ZNF26: variants seen among roughly 807,000 people sequenced by gnomAD.
The protein encoded by ZNF26 is zinc finger protein 26.
Under a neutral mutation model 54.9 loss-of-function variants are expected in ZNF26, and 32 were observed. The ratio of observed to expected loss-of-function variants is 0.58; its 90% CI spans 0.44 to 0.78. ZNF26 has a LOEUF of 0.78. Ranked by LOEUF, ZNF26 falls within the 30% of genes least tolerant of loss-of-function variation. The pLI is 0.00. For synonymous variants in ZNF26, 221 were observed against 209.2 expected (o/e 1.06, Z -0.49); for missense variants, 524 against 634.0 (o/e 0.83, Z 1.86).
At chr12:132,988,629 G>T (rs1372231511) in intron 1 of ZNF26, among the ~76,000 whole-genome samples, 2 of 152,108 alleles carry the variant, frequency 1.3e-5, no homozygotes, top group Non-Finnish European at 2.9e-5. Flanking sequence ...TCTTTTGTCT[G>T]TCTGAACTTT....
In ZNF26 at chr12:133,007,126, A is replaced by G; in HGVS notation, c.118A>G (p.Arg40Gly). ...LLDSTQKYLY[R>G]DVILENYHNL... Reference sequence around the variant, plus strand: ...GGATTCTACACAGAAGTACCTGTACAGAGATGTGATATTGGAAAACTATCA... The same window carrying G: ...GGATTCTACACAGAAGTACCTGTACGGAGATGTGATATTGGAAAACTATCA... Residue 40 changes from arginine (R) to glycine (G), a missense_variant, in exon 2 of 4, where the codon AGA becomes GGA. Coordinates refer to ENST00000328654, the MANE Select transcript of ZNF26 (RefSeq NM_019591.4). The G allele has an allele frequency of 6.2e-7, 1 of 1,614,162 alleles. No individual in the cohort carries two copies. The highest frequency in any genetic ancestry group is 8.5e-7 in the Non-Finnish European group (1 of 1,179,968).
Position 133,010,423 on chromosome 12 carries a change from G to A in ZNF26, c.544G>A (p.Ala182Thr). The A allele has an allele frequency of 6.2e-7, 1 of 1,614,192 alleles. No homozygotes were observed. Among genetic ancestry groups the A allele is most frequent in the African/African-American group, 1.3e-5 (1 of 75,054 alleles). The change falls in exon 4 of 4, where the codon GCT becomes ACT. Residue 182 changes from alanine to threonine, a missense_variant. By Grantham distance (58) the Ala-to-Thr change is moderately conservative. Transcript: ENST00000328654. ...CTGTGTGTGTAGTGAATGTGGGAAAGCTTTTCGTTGTAAGTCACAGCTCAT... is the reference window on the plus strand; with the variant it reads ...CTGTGTGTGTAGTGAATGTGGGAAAACTTTTCGTTGTAAGTCACAGCTCAT... ...KNCVCSECGKAFRCKSQLIVH... is the reference protein window; with the variant it reads ...KNCVCSECGKTFRCKSQLIVH...
chr12:133,012,578 G>GTTTTTTTTTTTTTTTTTTTTTTTTTT lies in ZNF26; in HGVS notation c.*1103_*1128dup, dbSNP rs1193864973. 5.3e-5 allele frequency: 2 copies of GTTTTTTTTTTTTTTTTTTTTTTTTTT among 37,652 alleles called. No individual in the cohort carries two copies. Among genetic ancestry groups the GTTTTTTTTTTTTTTTTTTTTTTTTTT allele is most frequent in the African/African-American group, 1.1e-4 (1 of 9,476 alleles). 2.3% of individuals were successfully genotyped at this position (37,652 alleles called of 1,614,324 possible). A position where few individuals can be genotyped will look rare whatever the true frequency, so the allele number is the denominator to read the frequency against. On this transcript the variant is annotated 3_prime_UTR_variant, in exon 4 of 4. Coordinates refer to ENST00000328654, the MANE Select transcript of ZNF26 (RefSeq NM_019591.4). Reference sequence around the variant, plus strand: ...ATGTCTTTTGCTTTTTGTTGTTTGGGTTTTTTTTTTTTTTTTTTTTTTTTT... The same window carrying GTTTTTTTTTTTTTTTTTTTTTTTTTT: ...ATGTCTTTTGCTTTTTGTTGTTTGGGTTTTTTTTTTTTTTTTTTTTTTTTTTTTTTTTTTTTTTTTTTTTTTTTTTT...
At position 133,007,455 on chromosome 12, in the gene ZNF26, C is replaced by T. The variant is rs1953355973; in HGVS notation, c.179C>T (p.Pro60Leu). ...LISVGYHGTK[P>L]DLIFKLEQGE... ...TCAACAGGGTATCATGGTACCAAGCCTGACTTAATCTTCAAGTTGGAACAA... is the reference window on the plus strand; with the variant it reads ...TCAACAGGGTATCATGGTACCAAGCTTGACTTAATCTTCAAGTTGGAACAA... Residue 60 changes from proline (P) to leucine (L), a missense_variant, in exon 3 of 4, where the codon CCT becomes CTT. Pro to Leu is a moderately conservative substitution (Grantham distance 98). Transcript: ENST00000328654. 1 of 1,613,568 alleles carries T rather than the reference C, an allele frequency of 6.2e-7. No homozygotes were observed. The highest frequency in any genetic ancestry group is 1.3e-5 in the African/African-American group (1 of 74,910).
rs1953444021 is a variant in ZNF26 at position 133,010,381 on chromosome 12, C to G, written c.502C>G (p.His168Asp). 3 of 1,613,994 alleles carry G rather than the reference C, an allele frequency of 1.9e-6. No individual in the cohort carries two copies. Among genetic ancestry groups the G allele is most frequent in the African/African-American group, 1.3e-5 (1 of 74,926 alleles). ...ATATTTTCTTAAGCATCAAAGAGCTCATAGCATAGAAAAAAACTGTGTGTG... is the reference window on the plus strand; with the variant it reads ...ATATTTTCTTAAGCATCAAAGAGCTGATAGCATAGAAAAAAACTGTGTGTG... ...EPYFLKHQRA[H>D]SIEKNCVCSE... is the part of the protein sequence containing the mutation. The change falls in exon 4 of 4, where the codon CAT becomes GAT. Residue 168 changes from histidine to aspartate, a missense_variant. His to Asp is a moderately conservative substitution (Grantham distance 81). Coordinates refer to ENST00000328654, the MANE Select transcript of ZNF26 (RefSeq NM_019591.4).
intron 1 of ZNF26, chr12:133,006,047 T>C (rs1039239674): frequency 9.7e-4 from 957 of 983,366 alleles, no homozygotes; most frequent in Middle Eastern, 1.0e-3. Context: ...TTTTCTTTCT[T>C]TCATAATAGA....
Position 133,019,259 on chromosome 12 carries a change from T to C in ZNF26, c.*7778T>C, listed in dbSNP as rs1460692378. 3 of 152,080 alleles carry C rather than the reference T, an allele frequency of 2.0e-5. No individual in the cohort carries two copies. Among genetic ancestry groups the C allele is most frequent in the South Asian group, 4.2e-4 (2 of 4,812 alleles). 9.4% of individuals were successfully genotyped at this position (152,080 alleles called of 1,614,324 possible). A position where few individuals can be genotyped will look rare whatever the true frequency, so the allele number is the denominator to read the frequency against. On this transcript the variant is annotated 3_prime_UTR_variant, in exon 4 of 4. Coordinates refer to ENST00000328654, the MANE Select transcript of ZNF26 (RefSeq NM_019591.4). ...ACAAAATAAAGAGACAACCCACAGATTGGGAGAAAATATTTGCAAACTATC... is the reference window on the plus strand; with the variant it reads ...ACAAAATAAAGAGACAACCCACAGACTGGGAGAAAATATTTGCAAACTATC...
In ZNF26 at chr12:133,015,655, T is replaced by C. The variant is rs1414596477; in HGVS notation, c.*4174T>C. Reference sequence around the variant, plus strand: ...ACCTCATATCTGTAAAAAGTAAAAATAAATAAACAAACTATATAATAATAA... The same window carrying C: ...ACCTCATATCTGTAAAAAGTAAAAACAAATAAACAAACTATATAATAATAA... On this transcript the variant is annotated 3_prime_UTR_variant, in exon 4 of 4. Transcript: ENST00000328654. The C allele has an allele frequency of 2.0e-5, 3 of 151,950 alleles. No individual in the cohort carries two copies. The highest frequency in any genetic ancestry group is 4.1e-4 in the South Asian group (2 of 4,824). The allele number at this position is 151,950 out of a possible 1,614,324, so 9.4% of individuals were successfully genotyped here. A position where few individuals can be genotyped will look rare whatever the true frequency, so the allele number is the denominator to read the frequency against.
rs1248882770 is a variant in ZNF26 at position 132,992,522 on chromosome 12, G to C, written c.33+5649G>C. On this transcript the variant is annotated intron_variant, in intron 1 of 3. Coordinates refer to ENST00000328654, the MANE Select transcript of ZNF26 (RefSeq NM_019591.4). ...TGATTTGGTGTCTGACATTACTTCA[G>C]CGAAATTTTCAGTAATTATTGTTTC... 6.6e-5 allele frequency among the ~76,000 whole-genome samples: 10 copies of C among 152,150 alleles called. No homozygotes were observed. The East Asian group carries it at 1.7e-3, about 26-fold the overall frequency.
chr12:133,014,114 C>G lies in ZNF26; in HGVS notation c.*2633C>G, dbSNP rs1351315013. On this transcript the variant is annotated 3_prime_UTR_variant, in exon 4 of 4. Coordinates refer to ENST00000328654, the MANE Select transcript of ZNF26 (RefSeq NM_019591.4). The stretch of plus-strand genomic sequence containing the variant: ...TTTTTACCAGTTTGGTAACAATAAT[C>G]TACACTAAACATGCCCTGGGATGGG... 2 of 152,296 alleles carry G rather than the reference C, an allele frequency of 1.3e-5. No individual in the cohort carries two copies. The highest frequency in any genetic ancestry group is 2.4e-5 in the African/African-American group (1 of 41,566). The allele number at this position is 152,296 out of a possible 1,614,324, so 9.4% of individuals were successfully genotyped here. A position where few individuals can be genotyped will look rare whatever the true frequency, so the allele number is the denominator to read the frequency against.
rs1953695438 is a variant in ZNF26 at position 133,025,766 on chromosome 12, A to G, written c.*14285A>G. The G allele has an allele frequency of 6.6e-6, 1 of 151,964 alleles. No homozygotes were observed. Among genetic ancestry groups the G allele is most frequent in the Non-Finnish European group, 1.5e-5 (1 of 68,006 alleles). 9.4% of individuals were successfully genotyped at this position (151,964 alleles called of 1,614,324 possible). A position where few individuals can be genotyped will look rare whatever the true frequency, so the allele number is the denominator to read the frequency against. On this transcript the variant is annotated 3_prime_UTR_variant, in exon 4 of 4. Transcript: ENST00000328654. The stretch of plus-strand genomic sequence containing the variant: ...AGACCAGCCTGGGAAACACAGTGAG[A>G]CCCCGTTTCTATTTAAGAAAGAAAA...
rs1244177436 is a variant in ZNF26 at position 133,014,562 on chromosome 12, T to G, written c.*3081T>G. 6.6e-6 allele frequency: 1 copy of G among 151,742 alleles called. No homozygotes were observed. The highest frequency in any genetic ancestry group is 1.5e-5 in the Non-Finnish European group (1 of 67,960). The allele number at this position is 151,742 out of a possible 1,614,324, so 9.4% of individuals were successfully genotyped here. A position where few individuals can be genotyped will look rare whatever the true frequency, so the allele number is the denominator to read the frequency against. On this transcript the variant is annotated 3_prime_UTR_variant, in exon 4 of 4. Transcript: ENST00000328654. ...TTGTTTTGTTTTGTTTTTTTTTTTT[T>G]TTGAGACGGAGTCTTGTTCTGTCAC...
At chr12:133,006,177 T>G in intron 1 of ZNF26, 1 of 985,018 alleles carries the variant, frequency 1.0e-6, no homozygotes, top group Non-Finnish European at 1.2e-6. Flanking sequence ...TAGAGCCATC[T>G]TAGACTGGGT....
chr12:133,011,563 T>C lies in ZNF26; in HGVS notation c.*82T>C, dbSNP rs375895839. The C allele has an allele frequency of 2.9e-6, 4 of 1,384,254 alleles. No individual in the cohort carries two copies. In the East Asian group the frequency reaches 9.7e-5, roughly 33 times the overall value. The allele number at this position is 1,384,254 out of a possible 1,614,324, so 85.7% of individuals were successfully genotyped here. A position where few individuals can be genotyped will look rare whatever the true frequency, so the allele number is the denominator to read the frequency against. On this transcript the variant is annotated 3_prime_UTR_variant, in exon 4 of 4. Coordinates refer to ENST00000328654, the MANE Select transcript of ZNF26 (RefSeq NM_019591.4). ...GACAGGATTTACAAGCAGGAGGCCC[T>C]AAAATTACACTCATGTCAAAAATCA...
intron 1 of ZNF26, among the ~76,000 whole-genome samples, chr12:132,999,880 G>C (rs1953173634): frequency 6.6e-6 from 1 of 151,920 alleles, no homozygotes; most frequent in Admixed American, 6.6e-5. Context: ...ATGTTGGTCA[G>C]GCTGGTCTCA....
intron 1 of ZNF26, among the ~76,000 whole-genome samples, chr12:132,993,546 G>C (rs9651979): frequency 0.9 from 136,061 of 151,672 alleles, 61,822 homozygotes; most frequent in East Asian, 1. Flanking sequence ...ACCTCCGCCT[G>C]TTGGGTTCAA....
Position 133,026,097 on chromosome 12 carries a change from T to C in ZNF26, c.*14616T>C, listed in dbSNP as rs1279481178. 3 of 151,952 alleles carry C rather than the reference T, an allele frequency of 2.0e-5. No homozygotes were observed. The highest frequency in any genetic ancestry group is 2.1e-4 in the South Asian group (1 of 4,814). 9.4% of individuals were successfully genotyped at this position (151,952 alleles called of 1,614,324 possible). On this transcript the variant is annotated 3_prime_UTR_variant, in exon 4 of 4. Coordinates refer to ENST00000328654, the MANE Select transcript of ZNF26 (RefSeq NM_019591.4). ...TTCTGACCCAGGAAACTATTAGATATAATAAGTCACTTTTTTTTTTTTTTG... is the reference window on the plus strand; with the variant it reads ...TTCTGACCCAGGAAACTATTAGATACAATAAGTCACTTTTTTTTTTTTTTG...
rs1464577763 is a variant in ZNF26, at chr12:133,021,086, A to G, written c.*9605A>G. The G allele has an allele frequency of 6.7e-6, 1 of 149,722 alleles. No homozygotes were observed. Among genetic ancestry groups the G allele is most frequent in the Non-Finnish European group, 1.5e-5 (1 of 67,526 alleles). The allele number at this position is 149,722 out of a possible 1,614,324, so 9.3% of individuals were successfully genotyped here. On this transcript the variant is annotated 3_prime_UTR_variant, in exon 4 of 4. Transcript: ENST00000328654. ...GGGATGTCGAGAAATTATGCCTCCA[A>G]CCTATGCTCATACATTTTTTTTTTC...
intron 1 of ZNF26, among the ~76,000 whole-genome samples, chr12:132,992,089 A>G (rs1019458155): frequency 1.3e-5 from 2 of 152,032 alleles, no homozygotes; most frequent in South Asian, 2.1e-4. Context: ...CGGGGGTTGC[A>G]GTGAGCCAAG....
Sources: gnomAD v4.1 joint callset for allele counts (sites outside exome capture counted in the v4.1 genomes callset) on GRCh38, gnomAD v4.1.1 for gene constraint, MANE v1.5 for transcripts, NCBI Gene and HGNC (gene_info 2026-07-23, HGNC 2026-07-21) for gene names.